The following NOS1AP variants were observed in gnomAD, a reference collection of about 807,000 sequenced individuals.
The protein encoded by NOS1AP is carboxyl-terminal PDZ ligand of neuronal nitric oxide synthase protein.
A neutral mutation model predicts 56.2 loss-of-function variants in NOS1AP; 21 were observed. The observed-to-expected ratio is 0.37, with a 90% CI of 0.26 to 0.54. The LOEUF (loss-of-function observed/expected upper bound fraction) is 0.54. NOS1AP is among the 20% of genes least tolerant of loss of function. The pLI is 0.84. For synonymous variants in NOS1AP, 270 were observed against 274.6 expected (o/e 0.98, Z 0.17); for missense variants, 522 against 657.8 (o/e 0.79, Z 2.26).
At chr1:162,349,056 G>A (rs768148849) in intron 6 of NOS1AP, among the ~76,000 whole-genome samples, 4 of 152,046 alleles carry the variant, frequency 2.6e-5, no homozygotes, top group Non-Finnish European at 4.4e-5. Context: ...GTGTGGTGGC[G>A]CATGCCTGTA....
At chr1:162,232,628 T>C (rs961194542) in intron 2 of NOS1AP, among the ~76,000 whole-genome samples, 1 of 152,038 alleles carries the variant, frequency 6.6e-6, no homozygotes, top group African/African-American at 2.4e-5. Flanking sequence ...TCTGTGGGAT[T>C]CTCTCTTGTG....
At chr1:162,202,088 G>A (rs1260626027) in intron 2 of NOS1AP, among the ~76,000 whole-genome samples, 2 of 152,224 alleles carry the variant, frequency 1.3e-5, no homozygotes, top group African/African-American at 2.4e-5. Flanking sequence ...AGGTTGTCCT[G>A]GGGATCTGTA....
At chr1:162,259,724 A>G (rs940489526) in intron 2 of NOS1AP, among the ~76,000 whole-genome samples, 1 of 152,238 alleles carries the variant, frequency 6.6e-6, no homozygotes, top group African/African-American at 2.4e-5. Flanking sequence ...GCATTAAAAC[A>G]TTAACATGTG....
chr1:162,199,634 GTGTGTGTC>G (rs1384726033), intron 2 of NOS1AP, among the ~76,000 whole-genome samples: 1 of 142,460 alleles, frequency 7.0e-6, no homozygotes, highest in Admixed American at 7.1e-5. Context: ...GTGTGTGTGT[GTGTGTGTC>G]TGTGTGTAAA....
intron 4 of NOS1AP, among the ~76,000 whole-genome samples, chr1:162,306,161 G>A (rs1190661173): frequency 6.6e-6 from 1 of 152,174 alleles, no homozygotes; most frequent in Non-Finnish European, 1.5e-5. Context: ...GAATGTGCAG[G>A]AAGCCAGCCA....
chr1:162,332,880 C>G (rs1051834467), intron 4 of NOS1AP, 137 bp from the exon 5 acceptor site: 7 of 699,366 alleles, frequency 1.0e-5, no homozygotes, highest in Middle Eastern at 2.3e-4. Flanking sequence ...ACTTTTTGAT[C>G]CTGAAGGAAG....
chr1:162,122,914 ATTATTTGTT>A (rs1190604443), intron 1 of NOS1AP, among the ~76,000 whole-genome samples: 3 of 152,008 alleles, frequency 2.0e-5, no homozygotes, highest in African/African-American at 7.2e-5. Flanking sequence ...TGTAAATGTA[ATTATTTGTT>A]TTATTTGTTT....
At chr1:162,196,280 G>A (rs1651803686) in intron 2 of NOS1AP, among the ~76,000 whole-genome samples, 2 of 152,194 alleles carry the variant, frequency 1.3e-5, no homozygotes, top group African/African-American at 4.8e-5. Flanking sequence ...ATGCCTAATG[G>A]TGACATTGGG....
chr1:162,287,237 C>G, intron 2 of NOS1AP, 107 bp from the exon 3 acceptor site: 1 of 785,078 alleles, frequency 1.3e-6, no homozygotes, highest in Non-Finnish European at 2.3e-6. Flanking sequence ...GAGCTATTCC[C>G]CACACCTGTC....
chr1:162,109,897 A>G (rs1050893936), intron 1 of NOS1AP, among the ~76,000 whole-genome samples: 1 of 152,192 alleles, frequency 6.6e-6, no homozygotes, highest in Non-Finnish European at 1.5e-5. Context: ...TTCTTAATCT[A>G]GATTATGATT....
chr1:162,187,791 AGTCAT>A (rs1357628551), intron 2 of NOS1AP, among the ~76,000 whole-genome samples: 1 of 152,196 alleles, frequency 6.6e-6, no homozygotes, highest in Non-Finnish European at 1.5e-5. Flanking sequence ...TTGCAATTGT[AGTCAT>A]GTTCAGAGCC....
In NOS1AP at chr1:162,287,385, C is replaced by T. The variant is rs1655121962; in HGVS notation, c.219C>T (p.Ser73=). The T allele has an allele frequency of 6.2e-7, 1 of 1,613,404 alleles. No homozygotes were observed. The highest frequency in any genetic ancestry group is 8.5e-7 in the Non-Finnish European group (1 of 1,179,482). ...AGAACATCAAGAAGAAGAAAGTGAG[C>T]ATTATGGTTTCAGTGGATGGAGTGA... ...KAKNIKKKKV[S]IMVSVDGVKV... is the part of the protein sequence containing the mutation. The change falls in exon 3 of 10, where the codon AGC becomes AGT. Residue 73 remains serine, a synonymous_variant. Coordinates refer to ENST00000361897, the MANE Select transcript of NOS1AP (RefSeq NM_014697.3).
At chr1:162,190,792 C>G (rs141752017) in intron 2 of NOS1AP, among the ~76,000 whole-genome samples, 37 of 152,292 alleles carry the variant, frequency 2.4e-4, no homozygotes, top group African/African-American at 8.9e-4. Context: ...CTAGGACCCG[C>G]TGTTCTGCTT....
intron 5 of NOS1AP, among the ~76,000 whole-genome samples, chr1:162,334,994 C>T (rs1343202296): frequency 1.3e-5 from 2 of 150,840 alleles, no homozygotes; most frequent in Non-Finnish European, 3.0e-5. Flanking sequence ...CATAGCAATA[C>T]GGACGCAGTG....
rs1011897551 is a variant in NOS1AP, at chr1:162,192,364, T to C, written c.177+37888T>C. On this transcript the variant is annotated intron_variant, in intron 2 of 9. Coordinates refer to ENST00000361897, the MANE Select transcript of NOS1AP (RefSeq NM_014697.3). ...TAAACTGGGAAAGGGCTCAGGAAAG[T>C]TCAAAAGGGATGATGTATGGGTTTT... Among the ~76,000 whole-genome samples the C allele has an allele frequency of 3.9e-5, 6 of 152,222 alleles. No individual in the cohort carries two copies. In the South Asian group the frequency reaches 1.2e-3, roughly 31 times the overall value.
chr1:162,336,217 T>G (rs555379958), intron 5 of NOS1AP, among the ~76,000 whole-genome samples: 45 of 152,306 alleles, frequency 3.0e-4, no homozygotes, highest in South Asian at 1.2e-3. Context: ...TGATCTAACT[T>G]TATTCCCACA....
intron 2 of NOS1AP, among the ~76,000 whole-genome samples, chr1:162,235,161 G>T (rs966136474): frequency 2.6e-5 from 4 of 151,806 alleles, no homozygotes; most frequent in African/African-American, 9.7e-5. Context: ...AACTTGCCAA[G>T]TGTTATGAGG....
At chr1:162,072,905 T>C (rs1691689013) in intron 1 of NOS1AP, among the ~76,000 whole-genome samples, 1 of 152,180 alleles carries the variant, frequency 6.6e-6, no homozygotes, top group Non-Finnish European at 1.5e-5. Flanking sequence ...AATGCAAATG[T>C]ATTATTGTTG....
At chr1:162,344,512 A>C (rs1557886313) in intron 6 of NOS1AP, among the ~76,000 whole-genome samples, 1 of 152,136 alleles carries the variant, frequency 6.6e-6, no homozygotes, top group Non-Finnish European at 1.5e-5. Context: ...CCTGGCCAAC[A>C]TGGCAAATCC....
Sources: gnomAD v4.1 joint callset for allele counts (sites outside exome capture counted in the v4.1 genomes callset) on GRCh38, gnomAD v4.1.1 for gene constraint, MANE v1.5 for transcripts, NCBI Gene and HGNC (gene_info 2026-07-23, HGNC 2026-07-21) for gene names.